Variants in HERPUD2 observed in about 807,000 individuals in gnomAD.
The protein encoded by HERPUD2 is HERPUD family member 2.
A neutral mutation model predicts 49.9 loss-of-function variants in HERPUD2; 13 were observed. The observed-to-expected ratio is 0.26, with a 90% CI of 0.17 to 0.41. The LOEUF (loss-of-function observed/expected upper bound fraction) is 0.41, where lower values mean the gene tolerates loss of function less well. Among genes scored for constraint, HERPUD2 ranks in the 10% least tolerant of loss-of-function variants. The pLI is 1.00. For synonymous variants in HERPUD2, 172 were observed against 171.4 expected (o/e 1.00, Z -0.03); for missense variants, 449 against 492.2 (o/e 0.91, Z 0.83).
At chr7:35,660,809 T>C (rs1388960864) in intron 5 of HERPUD2, among the ~76,000 whole-genome samples, 1 of 152,222 alleles carries the variant, frequency 6.6e-6, no homozygotes, top group Admixed American at 6.5e-5. Context: ...TTATAAAAAT[T>C]TTCTCCCATT....
intron 5 of HERPUD2, among the ~76,000 whole-genome samples, chr7:35,640,564 A>G (rs938468548): frequency 1.3e-5 from 2 of 152,182 alleles, no homozygotes; most frequent in African/African-American, 4.8e-5. Context: ...TTTTTCCCTA[A>G]TAAGTTAGAA....
chr7:35,665,759 A>G (rs1044609166), intron 5 of HERPUD2, among the ~76,000 whole-genome samples: 1 of 152,228 alleles, frequency 6.6e-6, no homozygotes, highest in Non-Finnish European at 1.5e-5. Flanking sequence ...TTTTCTAATC[A>G]GCTTAATATA....
At chr7:35,674,969 T>C (rs1785729360) in intron 2 of HERPUD2, among the ~76,000 whole-genome samples, 1 of 152,216 alleles carries the variant, frequency 6.6e-6, no homozygotes, top group Non-Finnish European at 1.5e-5. Flanking sequence ...CCTTGAGTTC[T>C]GTGAGCTGCA....
chr7:35,665,988 A>G (rs1785529831), intron 5 of HERPUD2, among the ~76,000 whole-genome samples: 2 of 152,200 alleles, frequency 1.3e-5, no homozygotes, highest in African/African-American at 4.8e-5. Context: ...GTGGCACTAT[A>G]TATTTTTCCA....
In HERPUD2 at chr7:35,638,448, C is replaced by A. The variant is rs976158499; in HGVS notation, c.519G>T (p.Gly173=). Residue 173 remains glycine (G), a synonymous_variant, in exon 6 of 9, where the codon GGG becomes GGT. Transcript: ENST00000311350. ...MQGNVDNQFP[G]QAAPPGFPVY... The stretch of plus-strand genomic sequence containing the variant: ...CTGGGAATCCAGGTGGAGCAGCTTG[C>A]CCAGGAAATTGGTTGTCTACATTTC... 7 of 1,612,982 alleles carry A rather than the reference C, an allele frequency of 4.3e-6. No individual in the cohort carries two copies. The African/African-American group carries it at 9.3e-5, about 22-fold the overall frequency.
At chr7:35,645,508 T>G (rs1004919777) in intron 5 of HERPUD2, among the ~76,000 whole-genome samples, 1 of 152,148 alleles carries the variant, frequency 6.6e-6, no homozygotes, top group African/African-American at 2.4e-5. Context: ...TGTTAATATA[T>G]TTAGTGAAAA....
chr7:35,680,776 T>C (rs1785867016), intron 2 of HERPUD2, among the ~76,000 whole-genome samples: 1 of 152,254 alleles, frequency 6.6e-6, no homozygotes, highest in Non-Finnish European at 1.5e-5. Context: ...CCTGTTTATA[T>C]CCTTTGTAAC....
At chr7:35,692,996 T>C (rs771230557) in intron 2 of HERPUD2, among the ~76,000 whole-genome samples, 19 of 152,220 alleles carry the variant, frequency 1.2e-4, no homozygotes, top group Non-Finnish European at 2.6e-4. Context: ...AAAGTTTTAG[T>C]AATTAAACAC....
At chr7:35,687,485 T>G (rs909204864) in intron 2 of HERPUD2, among the ~76,000 whole-genome samples, 9 of 152,198 alleles carry the variant, frequency 5.9e-5, no homozygotes, top group African/African-American at 1.7e-4. Context: ...AAAGAACAAG[T>G]TGGAAACATC....
intron 5 of HERPUD2, among the ~76,000 whole-genome samples, chr7:35,651,839 G>A (rs773724098): frequency 6.6e-6 from 1 of 151,872 alleles, no homozygotes; most frequent in African/African-American, 2.4e-5. Flanking sequence ...AACAATTCAG[G>A]ATACAAATGA....
rs369693076 is a variant in HERPUD2, at chr7:35,639,068, G to A, written c.495-596C>T. 1.5e-4 allele frequency among the ~76,000 whole-genome samples: 23 copies of A among 148,644 alleles called. No homozygotes were observed. In the East Asian group the frequency reaches 1.6e-3, roughly 10 times the overall value. Reference sequence around the variant, plus strand: ...TTTTGAGACGGAATCTCGCTCTTTCGCCCAGGCTGGAGTGCAGTGGCGTGA... The same window carrying A: ...TTTTGAGACGGAATCTCGCTCTTTCACCCAGGCTGGAGTGCAGTGGCGTGA... On this transcript the variant is annotated intron_variant, in intron 5 of 8. Coordinates refer to ENST00000311350, the MANE Select transcript of HERPUD2 (RefSeq NM_022373.5).
At chr7:35,643,360 A>T (rs1027557803) in intron 5 of HERPUD2, among the ~76,000 whole-genome samples, 1 of 152,190 alleles carries the variant, frequency 6.6e-6, no homozygotes, top group East Asian at 1.9e-4. Flanking sequence ...TTCATCAAAC[A>T]CTATTTATAA....
At chr7:35,683,174 C>T (rs1042509600) in intron 2 of HERPUD2, among the ~76,000 whole-genome samples, 3 of 152,190 alleles carry the variant, frequency 2.0e-5, no homozygotes, top group Admixed American at 6.5e-5. Flanking sequence ...TCAAACTATA[C>T]TACAAGGCCA....
At chr7:35,670,714 A>C (rs1211290538) in intron 3 of HERPUD2, among the ~76,000 whole-genome samples, 1 of 152,156 alleles carries the variant, frequency 6.6e-6, no homozygotes, top group Admixed American at 6.5e-5. Context: ...CAACTATAAA[A>C]TAAACTCAAA....
chr7:35,647,964 T>C (rs192556380), intron 5 of HERPUD2, among the ~76,000 whole-genome samples: 1 of 152,284 alleles, frequency 6.6e-6, no homozygotes, highest in Non-Finnish European at 1.5e-5. Context: ...TTTTTAAAGA[T>C]AACCACCACA....
chr7:35,688,759 A>C (rs1007772884), intron 2 of HERPUD2, among the ~76,000 whole-genome samples: 1 of 152,196 alleles, frequency 6.6e-6, no homozygotes, highest in Non-Finnish European at 1.5e-5. Context: ...GAGATGGCTG[A>C]GTCCCTAAAT....
chr7:35,646,579 C>A (rs10257905), intron 5 of HERPUD2, among the ~76,000 whole-genome samples: 97,862 of 151,806 alleles, frequency 0.64, 32,738 homozygotes, highest in African/African-American at 0.83. Context: ...AAAGAAAAAG[C>A]AAGCAAGCAT....
intron 5 of HERPUD2, among the ~76,000 whole-genome samples, chr7:35,650,247 AG>A: frequency 6.6e-6 from 1 of 152,288 alleles, no homozygotes; most frequent in Non-Finnish European, 1.5e-5. Flanking sequence ...ACGGCAAAGA[AG>A]GAGAGGGAAG....
chr7:35,633,244 T>C lies in HERPUD2; in HGVS notation c.*446A>G, dbSNP rs1450453269. 1 of 152,442 alleles carries C rather than the reference T, an allele frequency of 6.6e-6. No individual in the cohort carries two copies. The highest frequency in any genetic ancestry group is 1.9e-4 in the East Asian group (1 of 5,164). The allele number at this position is 152,442 out of a possible 1,614,324, so 9.4% of individuals were successfully genotyped here. ...ACCACACCCGGCTAATTTTTTTGTATTTTTAGTTAAGATGGGGTTTCGCCA... is the reference window on the plus strand; with the variant it reads ...ACCACACCCGGCTAATTTTTTTGTACTTTTAGTTAAGATGGGGTTTCGCCA... On this transcript the variant is annotated 3_prime_UTR_variant, in exon 9 of 9. Transcript: ENST00000311350.
Sources: gnomAD v4.1 joint callset for allele counts (sites outside exome capture counted in the v4.1 genomes callset) on GRCh38, gnomAD v4.1.1 for gene constraint, MANE v1.5 for transcripts, NCBI Gene and HGNC (gene_info 2026-07-23, HGNC 2026-07-21) for gene names.